The following POPDC2 variants were observed in gnomAD, a reference collection of about 807,000 sequenced individuals.
The protein encoded by POPDC2 is popeye domain cAMP effector 2.
In POPDC2, 24 loss-of-function variants were observed where a neutral mutation model predicts 30.5. The observed-to-expected ratio is 0.79, with a 90% CI of 0.57 to 1.11. The LOEUF (loss-of-function observed/expected upper bound fraction) is 1.11. Among genes scored for constraint, POPDC2 ranks in the 50% least tolerant of loss-of-function variants. The pLI is 0.00. For missense variants in POPDC2, 409 were observed against 447.0 expected (o/e 0.91, Z 0.77); for synonymous variants, 185 against 183.3 (o/e 1.01, Z -0.07).
chr3:119,659,885 A>T, intron 1 of POPDC2, 48 bp downstream of exon 1: 1 of 1,526,808 alleles, frequency 6.5e-7, no homozygotes, highest in Non-Finnish European at 8.8e-7. Flanking sequence ...GGAAATGAGA[A>T]GTGTGGGCTG....
In POPDC2 at chr3:119,659,956, G is replaced by T. The variant is rs1391105045; in HGVS notation, c.468C>A (p.Arg156=). The change falls in exon 1 of 4, where the codon CGC becomes CGA. Residue 156 remains arginine, a synonymous_variant. Coordinates refer to ENST00000493094, the MANE Select transcript of POPDC2 (RefSeq NM_001369919.2). ...ACCGGCCAGAGAGCAGCAGGGACAG[G>T]CGGTTGATGGGTGTCTCACCCTCCA... ...YAVEGETPIN[R]LSLLLSGRVR... is the part of the protein sequence containing the mutation. 6.9e-6 allele frequency: 11 copies of T among 1,596,250 alleles called. No individual in the cohort carries two copies. The highest frequency in any genetic ancestry group is 9.4e-6 in the Non-Finnish European group (11 of 1,166,392).
chr3:119,659,123 A>T (rs571612261), intron 1 of POPDC2, among the ~76,000 whole-genome samples: 1 of 152,176 alleles, frequency 6.6e-6, no homozygotes, highest in Non-Finnish European at 1.5e-5. Flanking sequence ...AATGCCCAAC[A>T]TTCACATCCA....
rs767556837 is a variant in POPDC2 at position 119,648,425 on chromosome 3, A to C, written c.844T>G (p.Ser282Ala). 1 of 1,614,012 alleles carries C rather than the reference A, an allele frequency of 6.2e-7. No homozygotes were observed. The highest frequency in any genetic ancestry group is 1.7e-5 in the Admixed American group (1 of 60,006). Residue 282 changes from serine to alanine, a missense_variant, in exon 3 of 4, where the codon TCC becomes GCC. Physicochemically the swap from Ser to Ala is moderately conservative, Grantham distance 99 (BLOSUM62 1). Transcript: ENST00000493094. ...CAGACTTCCTCATCACCCTTCTCGG[A>C]CTCTGGTCCAGCATCTGCAGCAGTG... is the stretch of plus-strand genomic sequence containing the variant. ...GPTAADAGPE[S>A]EKGDEEVCEP...
At chr3:119,646,882 A>AAGG (rs2052751523) in intron 3 of POPDC2, among the ~76,000 whole-genome samples, 1 of 152,164 alleles carries the variant, frequency 6.6e-6, no homozygotes, top group South Asian at 2.1e-4. Context: ...AACGAGTAGG[A>AAGG]AGGCGAACAG....
chr3:119,657,814 G>C (rs1577173721), intron 1 of POPDC2, among the ~76,000 whole-genome samples: 1 of 152,302 alleles, frequency 6.6e-6, no homozygotes, highest in South Asian at 2.1e-4. Flanking sequence ...CTGGAAGATG[G>C]ATGATCTTCT....
chr3:119,646,348 T>C (rs2052746116), intron 3 of POPDC2, among the ~76,000 whole-genome samples: 1 of 152,006 alleles, frequency 6.6e-6, no homozygotes, highest in Non-Finnish European at 1.5e-5. Context: ...AGCAGCAAAC[T>C]GGCCAGGCAT....
At chr3:119,644,849 G>A (rs922811439) in intron 3 of POPDC2, among the ~76,000 whole-genome samples, 1 of 152,138 alleles carries the variant, frequency 6.6e-6, no homozygotes, top group East Asian at 1.9e-4. Context: ...AAGGGAATAT[G>A]CTTATTCATT....
At chr3:119,657,207 G>T (rs1038592530) in intron 1 of POPDC2, among the ~76,000 whole-genome samples, 1 of 152,174 alleles carries the variant, frequency 6.6e-6, no homozygotes, top group African/African-American at 2.4e-5. Flanking sequence ...CCTTAATGGT[G>T]CTAGATTTTA....
At chr3:119,649,119 A>G (rs1284796828) in intron 2 of POPDC2, among the ~76,000 whole-genome samples, 1 of 152,182 alleles carries the variant, frequency 6.6e-6, no homozygotes, top group Non-Finnish European at 1.5e-5. Context: ...GTAGGGACAT[A>G]AAAAGAGTTG....
intron 3 of POPDC2, among the ~76,000 whole-genome samples, chr3:119,644,539 T>C (rs1474532556): frequency 6.6e-6 from 1 of 152,232 alleles, no homozygotes; most frequent in Non-Finnish European, 1.5e-5. Flanking sequence ...TTTTGTTCAA[T>C]TTTGGGTACC....
rs2052923580 is a variant in POPDC2 at position 119,660,026 on chromosome 3, C to T, written c.398G>A (p.Cys133Tyr). 6.2e-7 allele frequency: 1 copy of T among 1,614,224 alleles called. No homozygotes were observed. Among genetic ancestry groups the T allele is most frequent in the South Asian group, 1.1e-5 (1 of 91,080 alleles). Residue 133 changes from cysteine to tyrosine, a missense_variant, in exon 1 of 4, where the codon TGC becomes TAC. Physicochemically the swap from Cys to Tyr is radical, Grantham distance 194. Coordinates refer to ENST00000493094, the MANE Select transcript of POPDC2 (RefSeq NM_001369919.2). ...LQTYKEIVHCCEEQVLTLATE... is the reference protein window; with the variant it reads ...LQTYKEIVHCYEEQVLTLATE... ...GGCCAGAGTTAAGACCTGCTCCTCG[C>T]AGCAGTGAACAATCTCCTTGTATGT... is the stretch of plus-strand genomic sequence containing the variant.
intron 3 of POPDC2, among the ~76,000 whole-genome samples, chr3:119,645,232 C>G (rs1045395175): frequency 1.3e-4 from 20 of 152,274 alleles, no homozygotes; most frequent in African/African-American, 4.6e-4. Context: ...GGGTTGAGGG[C>G]TTGGGGACTG....
At chr3:119,643,317 G>C (rs1322041895) in intron 3 of POPDC2, 5 of 1,208,088 alleles carry the variant, frequency 4.1e-6, no homozygotes, top group Non-Finnish European at 5.9e-6. Context: ...GCTATTCAGG[G>C]GCTAAAGAGC....
At chr3:119,651,955 C>T (rs2052816396) in intron 2 of POPDC2, among the ~76,000 whole-genome samples, 1 of 152,086 alleles carries the variant, frequency 6.6e-6, no homozygotes, top group Non-Finnish European at 1.5e-5. Context: ...TTTCTCATGT[C>T]CTGTATAAAA....
chr3:119,654,473 T>C (rs1420361173), intron 2 of POPDC2, 32 bp downstream of exon 2: 1 of 1,434,056 alleles, frequency 7.0e-7, no homozygotes, highest in African/African-American at 1.4e-5. Flanking sequence ...TGGGATGGGG[T>C]GAGGCGGTGC....
chr3:119,651,652 CT>C (rs1451301868), intron 2 of POPDC2, among the ~76,000 whole-genome samples: 1 of 151,970 alleles, frequency 6.6e-6, no homozygotes, highest in African/African-American at 2.4e-5. Context: ...CACCGCCCCC[CT>C]GAGACGAAGT....
chr3:119,653,228 G>A (rs1384179083), intron 2 of POPDC2, among the ~76,000 whole-genome samples: 1 of 152,190 alleles, frequency 6.6e-6, no homozygotes, highest in Admixed American at 6.5e-5. Context: ...GTTGTTAAAT[G>A]GAGTAATAAT....
intron 2 of POPDC2, among the ~76,000 whole-genome samples, chr3:119,651,485 A>C (rs2052808861): frequency 6.6e-6 from 1 of 151,904 alleles, no homozygotes; most frequent in Non-Finnish European, 1.5e-5. Context: ...AGGGACCTTC[A>C]TCTGTTCTGT....
chr3:119,659,859 G>A (rs1208090349), intron 1 of POPDC2, 74 bp downstream of exon 1: 1 of 1,482,032 alleles, frequency 6.7e-7, no homozygotes, highest in East Asian at 2.3e-5. Flanking sequence ...GACATGAAAT[G>A]GAAAGGGACA....
Sources: gnomAD v4.1 joint callset for allele counts (sites outside exome capture counted in the v4.1 genomes callset) on GRCh38, gnomAD v4.1.1 for gene constraint, MANE v1.5 for transcripts, NCBI Gene and HGNC (gene_info 2026-07-23, HGNC 2026-07-21) for gene names.